The following HIP1 variants were observed in gnomAD, a reference collection of about 807,000 sequenced individuals.
HIP1 encodes the protein huntingtin interacting protein 1.
Under a neutral mutation model 147.6 loss-of-function variants are expected in HIP1, and 65 were observed. That is an observed-to-expected ratio of 0.44 (90% CI 0.36 to 0.54). The LOEUF (loss-of-function observed/expected upper bound fraction) is 0.54, where lower values mean the gene tolerates loss of function less well. Ranked by LOEUF, HIP1 falls within the 20% of genes least tolerant of loss-of-function variation. The pLI, the probability that HIP1 is intolerant of heterozygous loss-of-function variation, is 0.00. For synonymous variants in HIP1, 479 were observed against 504.0 expected, an observed-to-expected ratio of 0.95 and a Z score of 0.67; for missense variants, 1,061 against 1,299.6, an observed-to-expected ratio of 0.82 and a Z score of 2.82.
rs60972195 is a variant in HIP1, at chr7:75,647,211, C to CAAAAAAAAAAAAA, written c.121-47977_121-47965dup. Among the ~76,000 whole-genome samples, 32 of 58,002 alleles carry CAAAAAAAAAAAAA rather than the reference C, an allele frequency of 5.5e-4. 4 individuals are homozygous for CAAAAAAAAAAAAA. The highest frequency in any genetic ancestry group is 1.3e-3 in the East Asian group (2 of 1,538). 38.1% of individuals were successfully genotyped at this position (58,002 alleles called of 152,430 possible). A position where few individuals can be genotyped will look rare whatever the true frequency, so the allele number is the denominator to read the frequency against. ...CGAAACCCCATCTCTACTAAAAATA[C>CAAAAAAAAAAAAA]AAAAAAAAAAAAAAAAAAAAAAAAA... On this transcript the variant is annotated intron_variant, in intron 1 of 30. Coordinates refer to ENST00000336926, the MANE Select transcript of HIP1 (RefSeq NM_005338.7).
intron 29 of HIP1, among the ~76,000 whole-genome samples, 153 bp from the exon 30 acceptor site, chr7:75,539,584 TGCTGAGATTACAG>T: frequency 6.6e-6 from 1 of 152,212 alleles, no homozygotes; most frequent in Middle Eastern, 3.2e-3. Context: ...CCTCCCAAAG[TGCTGAGATTACAG>T]GCATGAAACA....
intron 1 of HIP1, among the ~76,000 whole-genome samples, chr7:75,616,444 A>T (rs587771674): frequency 1.3e-4 from 20 of 151,502 alleles, no homozygotes; most frequent in South Asian, 8.4e-4. Context: ...TAATTAAAAA[A>T]TTTTTTTTTG....
In HIP1 at chr7:75,535,734, G is replaced by A. The variant is rs1794059135; in HGVS notation, c.*2438C>T. The A allele has an allele frequency of 5.8e-6, 1 of 171,548 alleles. No homozygotes were observed. The highest frequency in any genetic ancestry group is 1.0e-4 in the East Asian group (1 of 9,782). 10.6% of individuals were successfully genotyped at this position (171,548 alleles called of 1,614,324 possible). A position where few individuals can be genotyped will look rare whatever the true frequency, so the allele number is the denominator to read the frequency against. ...TGTAATTTTTTTTTTTTTTTGAGAC[G>A]GAGTTTTGCTCTTGTTGCCCAGGCT... On this transcript the variant is annotated 3_prime_UTR_variant, in exon 31 of 31. Transcript: ENST00000336926.
At position 75,554,425 on chromosome 7, in the gene HIP1, C is replaced by T. The variant is rs1264797540; in HGVS notation, c.2050+15G>A. On this transcript the variant is annotated intron_variant, in intron 20 of 30. Transcript: ENST00000336926. ...CCATCACTAGCCGACAGAGACTGTC[C>T]TTGGCCATTCTTACCTTCTGGGCAG... is the stretch of plus-strand genomic sequence containing the variant. 1.4e-5 allele frequency: 22 copies of T among 1,605,054 alleles called. No homozygotes were observed. The highest frequency in any genetic ancestry group is 6.7e-5 in the Admixed American group (4 of 59,980).
At chr7:75,724,020 A>G (rs1554522080) in intron 1 of HIP1, among the ~76,000 whole-genome samples, 4 of 151,916 alleles carry the variant, frequency 2.6e-5, no homozygotes. Flanking sequence ...ACAGTGGTGC[A>G]ATCTCAGCTC....
intron 1 of HIP1, among the ~76,000 whole-genome samples, chr7:75,616,584 G>GGGAGGAGGAGGAGGAGGAGGA (rs782489721): frequency 2.7e-4 from 40 of 146,044 alleles, no homozygotes; most frequent in African/African-American, 7.5e-4. Context: ...TTTAAGGGTG[G>GGGAGGAGGAGGAGGAGGAGGA]GGAGGAGGAG....
intron 1 of HIP1, among the ~76,000 whole-genome samples, chr7:75,668,547 A>G (rs997247787): frequency 6.6e-6 from 1 of 151,562 alleles, no homozygotes; most frequent in Non-Finnish European, 1.5e-5. Context: ...CTGGTCTCGA[A>G]CTCCTGATCT....
chr7:75,678,568 TC>T (rs1377155316), intron 1 of HIP1, among the ~76,000 whole-genome samples: 1 of 152,138 alleles, frequency 6.6e-6, no homozygotes, highest in Non-Finnish European at 1.5e-5. Flanking sequence ...GGTCTTAAAC[TC>T]CTGACCTCAA....
chr7:75,618,103 T>C (rs1265303449), intron 1 of HIP1, among the ~76,000 whole-genome samples: 1 of 152,178 alleles, frequency 6.6e-6, no homozygotes, highest in Non-Finnish European at 1.5e-5. Context: ...TTGCCCAACT[T>C]CCTCTCTTCA....
chr7:75,607,089 C>T (rs894254466), intron 1 of HIP1, among the ~76,000 whole-genome samples: 1 of 151,438 alleles, frequency 6.6e-6, no homozygotes, highest in Non-Finnish European at 1.5e-5. Context: ...TTTTAAATAG[C>T]CAGGTGTGGT....
At chr7:75,652,013 A>G (rs1376239723) in intron 1 of HIP1, among the ~76,000 whole-genome samples, 3 of 71,826 alleles carry the variant, frequency 4.2e-5, no homozygotes, top group Non-Finnish European at 5.8e-5. Context: ...TGTCTCAAAG[A>G]AAAAAAAAAA....
At chr7:75,678,169 T>C (rs1393638082) in intron 1 of HIP1, among the ~76,000 whole-genome samples, 1 of 152,098 alleles carries the variant, frequency 6.6e-6, no homozygotes, top group African/African-American at 2.4e-5. Flanking sequence ...GATCTGCTAA[T>C]AAATACTTTC....
At chr7:75,718,467 C>G (rs548715670) in intron 1 of HIP1, among the ~76,000 whole-genome samples, 132 of 152,232 alleles carry the variant, frequency 8.7e-4, no homozygotes, top group African/African-American at 3.1e-3. Context: ...TGGTAACAAG[C>G]CTGTATAACT....
At chr7:75,676,165 G>A (rs1351832758) in intron 1 of HIP1, among the ~76,000 whole-genome samples, 1 of 152,154 alleles carries the variant, frequency 6.6e-6, no homozygotes, top group Non-Finnish European at 1.5e-5. Flanking sequence ...ATTATGCCAA[G>A]TCTGTATTCT....
At position 75,615,688 on chromosome 7, in the gene HIP1, G is replaced by A. The variant is rs181893828; in HGVS notation, c.121-16441C>T. ...CTTTAGGAGATTGAGGTGGAGGATC[G>A]ATTGAGCCCAGGAGGTGGAGGTTGC... On this transcript the variant is annotated intron_variant, in intron 1 of 30. Transcript: ENST00000336926. Among the ~76,000 whole-genome samples, 44 of 152,204 alleles carry A rather than the reference G, an allele frequency of 2.9e-4. No individual in the cohort carries two copies. In the East Asian group the frequency reaches 4.4e-3, roughly 15 times the overall value.
chr7:75,581,263 T>C lies in HIP1; in HGVS notation c.578A>G (p.Glu193Gly), dbSNP rs1170608252. Residue 193 changes from glutamate to glycine, a missense_variant, in exon 7 of 31, where the codon GAG (glutamate) becomes GGG (glycine). By Grantham distance (98) the Glu-to-Gly change is moderately conservative (BLOSUM62 -2). Around this residue, in one of 3 missense-constraint regions of HIP1, gnomAD observed 225 missense variants for 292.9 expected, o/e 0.77. Coordinates refer to ENST00000336926, the MANE Select transcript of HIP1 (RefSeq NM_005338.7). The stretch of plus-strand genomic sequence containing the variant: ...TGTTTGGAAGAGGTTGAGTTCACAC[T>C]CCAGGTAGTCAAACATCTCCACTGT... ...QLTVEMFDYL[E>G]CELNLFQTVF... 6.2e-7 allele frequency: 1 copy of C among 1,611,680 alleles called. No individual in the cohort carries two copies. Among genetic ancestry groups the C allele is most frequent in the Non-Finnish European group, 8.5e-7 (1 of 1,178,946 alleles).
chr7:75,668,799 C>T (rs1554514898), intron 1 of HIP1, among the ~76,000 whole-genome samples: 2 of 152,200 alleles, frequency 1.3e-5, no homozygotes, highest in Non-Finnish European at 2.9e-5. Context: ...TTTTTTAAAA[C>T]TGAGATATAA....
At chr7:75,662,345 A>G (rs1453071285) in intron 1 of HIP1, among the ~76,000 whole-genome samples, 2 of 151,816 alleles carry the variant, frequency 1.3e-5, no homozygotes, top group African/African-American at 4.8e-5. Flanking sequence ...CACCACGCCC[A>G]GCTATTTTAT....
At position 75,573,792 on chromosome 7, in the gene HIP1, G is replaced by A; in HGVS notation, c.714C>T (p.Tyr238=). ...GGAGTTTGAAGAGAAGCTTGACAGT[G>A]TAGTCATAAAGGTGGCTGCAGTCCA... ...VILDCSHLYD[Y]TVKLLFKLHS... is the part of the protein sequence containing the mutation. Residue 238 remains tyrosine, a synonymous_variant, in exon 8 of 31, where the codon TAC becomes TAT. Transcript: ENST00000336926. The A allele has an allele frequency of 6.2e-7, 1 of 1,614,162 alleles. No homozygotes were observed.
Sources: allele counts gnomAD v4.1 joint callset (sites outside exome capture counted in the v4.1 genomes callset), GRCh38; gene constraint gnomAD v4.1.1; regional missense constraint gnomAD v4.1.1; transcripts MANE v1.5; gene names NCBI Gene and HGNC (gene_info 2026-07-23, HGNC 2026-07-21).